RNF43: variants seen among roughly 807,000 people sequenced by gnomAD.
RNF43 encodes E3 ubiquitin-protein ligase RNF43.
RNF43 carries 37 observed loss-of-function variants against 78.4 expected under a neutral mutation model. That is an observed-to-expected ratio of 0.47 (90% CI 0.36 to 0.62). The LOEUF is 0.62. RNF43 is among the 20% of genes least tolerant of loss of function. RNF43 has a pLI of 0.00. For synonymous variants in RNF43, 347 were observed against 395.0 expected (o/e 0.88, Z 1.44); for missense variants, 774 against 1,007.9 (o/e 0.77, Z 3.14).
Position 58,363,572 on chromosome 17 carries a change from C to A in RNF43, c.404G>T (p.Ser135Ile), listed in dbSNP as rs1350985021. 6.2e-7 allele frequency: 1 copy of A among 1,612,542 alleles called. No individual in the cohort carries two copies. The highest frequency in any genetic ancestry group is 1.1e-5 in the South Asian group (1 of 91,000). The change falls in exon 4 of 10, where the codon AGT becomes ATT. Residue 135 changes from serine to isoleucine, a missense_variant. By Grantham distance (142) the Ser-to-Ile change is moderately radical. Coordinates refer to ENST00000407977, the MANE Select transcript of RNF43 (RefSeq NM_017763.6). ...KARMAGERGA[S>I]AVLFDITEDR... ...CTCAGTGATGTCAAAGAGGACAGCA[C>A]TGGCTCCTCGCTCACCCGCCATCCG...
intron 2 of RNF43, among the ~76,000 whole-genome samples, chr17:58,393,424 T>G (rs960782017): frequency 6.6e-6 from 1 of 152,122 alleles, no homozygotes; most frequent in African/African-American, 2.4e-5. Flanking sequence ...AAAATTCTCT[T>G]ATGATTTTCT....
At chr17:58,409,664 C>T (rs925720505) in intron 2 of RNF43, among the ~76,000 whole-genome samples, 16 of 152,234 alleles carry the variant, frequency 1.1e-4, no homozygotes, top group Non-Finnish European at 2.2e-4. Flanking sequence ...TGAGCCACCA[C>T]ACCTGGCCCG....
intron 2 of RNF43, among the ~76,000 whole-genome samples, chr17:58,412,839 T>A (rs967374765): frequency 6.6e-6 from 1 of 151,902 alleles, no homozygotes; most frequent in Non-Finnish European, 1.5e-5. Context: ...TTTTTTTAAA[T>A]CACTGTTCTC....
Position 58,357,369 on chromosome 17 carries a change from C to T in RNF43, c.2308+99G>A. On this transcript the variant is annotated intron_variant, in intron 9 of 9. Transcript: ENST00000407977. This position sits in a 1 kb window ranked among gnomAD's most constrained non-coding sequence, Gnocchi z 4.5. ...GTTGTCATCTCTGCTGTATCCTTCT[C>T]AGCTTCCATCAACCCTTTGTTGGCT... The T allele has an allele frequency of 3.4e-6, 5 of 1,463,460 alleles. No homozygotes were observed. The highest frequency in any genetic ancestry group is 2.9e-6 in the Non-Finnish European group (3 of 1,044,666). 90.7% of individuals were successfully genotyped at this position (1,463,460 alleles called of 1,614,324 possible).
At chr17:58,371,287 A>C (rs1973091843) in intron 2 of RNF43, among the ~76,000 whole-genome samples, 1 of 152,180 alleles carries the variant, frequency 6.6e-6, no homozygotes, top group South Asian at 2.1e-4. Context: ...ACCTAAATGA[A>C]GAGCTTGCTG....
intron 2 of RNF43, among the ~76,000 whole-genome samples, chr17:58,371,263 G>T (rs537869996): frequency 1.3e-5 from 2 of 152,302 alleles, no homozygotes; most frequent in East Asian, 1.9e-4. Context: ...GAGGGAGAGG[G>T]TGTCCCAGAG....
intron 2 of RNF43, among the ~76,000 whole-genome samples, chr17:58,386,056 GC>G (rs1161746403): frequency 6.6e-6 from 1 of 152,112 alleles, no homozygotes; most frequent in African/African-American, 2.4e-5. Context: ...GCTACAGCGA[GC>G]TATGACTGTG....
chr17:58,415,397 G>C lies in RNF43; in HGVS notation c.181C>G (p.Leu61Val), dbSNP rs2143695114. Reference sequence around the variant, plus strand: ...AACACACCTTCCAAAGTGAGATTCAGTTTTCCTGTGGGGTCCATTTTCAAG... The same window carrying C: ...AACACACCTTCCAAAGTGAGATTCACTTTTCCTGTGGGGTCCATTTTCAAG... ...IPLKMDPTGK[L>V]NLTLEGVFAG... The change falls in exon 2 of 10, where the codon CTG becomes GTG. Residue 61 changes from leucine (L) to valine (V), a missense_variant. Transcript: ENST00000407977. 1 of 1,614,230 alleles carries C rather than the reference G, an allele frequency of 6.2e-7. No homozygotes were observed. The highest frequency in any genetic ancestry group is 8.5e-7 in the Non-Finnish European group (1 of 1,180,016).
rs1972721806 is a variant in RNF43, at chr17:58,357,767, T to A, written c.2009A>T (p.Gln670Leu). Residue 670 changes from glutamine (Q) to leucine (L), a missense_variant, in exon 9 of 10, where the codon CAG becomes CTG. Transcript: ENST00000407977. This position sits in a 1 kb window ranked among gnomAD's most constrained non-coding sequence, Gnocchi z 4.5. ...PSEPTPGSRP[Q>L]DATVHPACQI... ...GCAAGCTGGGTGCACAGTTGCATCC[T>A]GGGGCCGAGAGCCAGGGGTGGGCTC... 1 of 1,613,702 alleles carries A rather than the reference T, an allele frequency of 6.2e-7. No individual in the cohort carries two copies. Among genetic ancestry groups the A allele is most frequent in the South Asian group, 1.1e-5 (1 of 91,058 alleles).
At chr17:58,359,367 C>A (rs547605609) in intron 8 of RNF43, among the ~76,000 whole-genome samples, 1 of 147,048 alleles carries the variant, frequency 6.8e-6, no homozygotes, top group African/African-American at 2.5e-5. Context: ...GAGGACAAGG[C>A]GGGCGGGTCA....
At chr17:58,391,478 T>C (rs769570487) in intron 2 of RNF43, among the ~76,000 whole-genome samples, 1 of 152,178 alleles carries the variant, frequency 6.6e-6, no homozygotes, top group African/African-American at 2.4e-5. Flanking sequence ...TCCCTGCATG[T>C]CTTGGGCTTT....
At chr17:58,393,342 G>A (rs1351900298) in intron 2 of RNF43, among the ~76,000 whole-genome samples, 1 of 152,176 alleles carries the variant, frequency 6.6e-6, no homozygotes, top group Non-Finnish European at 1.5e-5. Flanking sequence ...AGGAGGCAGA[G>A]GTTGCACTGA....
chr17:58,410,929 T>C (rs1274171239), intron 2 of RNF43, among the ~76,000 whole-genome samples: 1 of 152,206 alleles, frequency 6.6e-6, no homozygotes, highest in African/African-American at 2.4e-5. Flanking sequence ...ATTCTCTTCA[T>C]CTGTGGCATT....
chr17:58,375,695 G>A (rs1973191638), intron 2 of RNF43, among the ~76,000 whole-genome samples: 1 of 152,240 alleles, frequency 6.6e-6, no homozygotes. Flanking sequence ...GGGTAGTAGA[G>A]AGGGACTTTG....
chr17:58,397,219 A>G (rs961658075), intron 2 of RNF43, among the ~76,000 whole-genome samples: 1 of 152,234 alleles, frequency 6.6e-6, no homozygotes, highest in African/African-American at 2.4e-5. Context: ...ATTATGAAGA[A>G]TGTGCCATTT....
intron 2 of RNF43, among the ~76,000 whole-genome samples, chr17:58,377,783 G>T (rs1312025573): frequency 1.3e-5 from 2 of 151,508 alleles, no homozygotes; most frequent in Non-Finnish European, 2.9e-5. Flanking sequence ...TAACTTTACT[G>T]CTTGCTACAA....
intron 2 of RNF43, among the ~76,000 whole-genome samples, chr17:58,376,050 G>A (rs560084473): frequency 1.3e-5 from 2 of 152,286 alleles, no homozygotes; most frequent in South Asian, 2.1e-4. Context: ...CCAGTGTGAG[G>A]GGCCTGGAGC....
At chr17:58,386,125 C>A (rs1973428244) in intron 2 of RNF43, among the ~76,000 whole-genome samples, 1 of 147,550 alleles carries the variant, frequency 6.8e-6, no homozygotes, top group Non-Finnish European at 1.5e-5. Context: ...AACGAAAAAA[C>A]AACAACAAAA....
At chr17:58,361,821 C>G (rs1972839440) in intron 6 of RNF43, among the ~76,000 whole-genome samples, 3 of 152,158 alleles carry the variant, frequency 2.0e-5, no homozygotes, top group Admixed American at 6.5e-5. Flanking sequence ...TGCCTAGATC[C>G]CTTTCTCCTC....
Sources: allele counts gnomAD v4.1 joint callset (sites outside exome capture counted in the v4.1 genomes callset), GRCh38; gene constraint gnomAD v4.1.1; non-coding constraint Gnocchi (gnomAD v3.1); transcripts MANE v1.5; gene names NCBI Gene and HGNC (gene_info 2026-07-23, HGNC 2026-07-21).